RAB11B: variants seen among roughly 807,000 people sequenced by gnomAD.
RAB11B encodes ras-related protein Rab-11B.
Under a neutral mutation model 23.7 loss-of-function variants are expected in RAB11B, and 7 were observed. The ratio of observed to expected loss-of-function variants is 0.29; its 90% CI spans 0.17 to 0.55. RAB11B has a LOEUF of 0.55. Ranked by LOEUF, RAB11B falls within the 20% of genes least tolerant of loss-of-function variation. RAB11B has a pLI of 0.93. For synonymous variants in RAB11B, 138 were observed against 132.0 expected (o/e 1.05, Z -0.31); for missense variants, 189 against 320.0 (o/e 0.59, Z 3.12).
chr19:8,394,437 G>A (rs1490336570), intron 1 of RAB11B, among the ~76,000 whole-genome samples: 1 of 152,192 alleles, frequency 6.6e-6, no homozygotes. Flanking sequence ...TTACAGGCGT[G>A]AGCCACTGCA....
intron 1 of RAB11B, among the ~76,000 whole-genome samples, chr19:8,399,195 C>T (rs1035236204): frequency 6.6e-6 from 1 of 151,970 alleles, no homozygotes; most frequent in African/African-American, 2.4e-5. Context: ...CCTCGTGATC[C>T]ACCCGCCTCG....
At chr19:8,394,920 C>G (rs1971384762) in intron 1 of RAB11B, among the ~76,000 whole-genome samples, 3 of 152,162 alleles carry the variant, frequency 2.0e-5, no homozygotes, top group Admixed American at 2.0e-4. Flanking sequence ...AGGGAGATTC[C>G]ATCTCAATAC....
intron 1 of RAB11B, among the ~76,000 whole-genome samples, chr19:8,393,743 T>A (rs1043538294): frequency 2.0e-5 from 3 of 152,084 alleles, no homozygotes; most frequent in Non-Finnish European, 4.4e-5. Flanking sequence ...ATGGGGGCAC[T>A]GCTTGGCTCC....
rs951143696 is a variant in RAB11B, at chr19:8,399,976, A to G, written c.154A>G (p.Ser52Gly). 2.5e-6 allele frequency: 4 copies of G among 1,614,080 alleles called. No individual in the cohort carries two copies. Among genetic ancestry groups the G allele is most frequent in the Non-Finnish European group, 1.7e-6 (2 of 1,180,018 alleles). Residue 52 changes from serine to glycine, a missense_variant, in exon 2 of 5, where the codon AGC (serine) becomes GGC (glycine). This residue lies in a region of RAB11B where 28 missense variants were observed against 43.1 expected (regional missense o/e 0.65). Transcript: ENST00000328024. ...STIGVEFATR[S>G]IQVDGKTIKA... is the part of the protein sequence containing the mutation. ...CATCGGCGTGGAGTTCGCCACCCGC[A>G]GCATCCAGGTGGACGGCAAGACCAT...
chr19:8,394,714 T>G (rs1971383150), intron 1 of RAB11B, among the ~76,000 whole-genome samples: 1 of 152,128 alleles, frequency 6.6e-6, no homozygotes, highest in East Asian at 2.0e-4. Context: ...GTGAATCACT[T>G]GAAGTCAGGA....
intron 1 of RAB11B, among the ~76,000 whole-genome samples, chr19:8,397,578 G>A (rs1392126600): frequency 6.6e-6 from 1 of 152,108 alleles, no homozygotes; most frequent in African/African-American, 2.4e-5. Context: ...GGGACAGGAG[G>A]TGGAGTGAGT....
At chr19:8,402,043 A>T (rs1212019900) in intron 2 of RAB11B, 43 bp from the exon 3 acceptor site, 1 of 1,522,174 alleles carries the variant, frequency 6.6e-7, no homozygotes, top group Non-Finnish European at 8.9e-7. Context: ...GCCGCTGCCC[A>T]TGGTTGTCCT....
At chr19:8,390,752 C>A (rs1971343096) in intron 1 of RAB11B, 1 of 327,752 alleles carries the variant, frequency 3.1e-6, no homozygotes. Flanking sequence ...AGGGCGGGGC[C>A]TCCGCAGGGG....
In RAB11B at chr19:8,402,351, T is replaced by C. The variant is rs2913968; in HGVS notation, c.430+72T>C. The C allele has an allele frequency of 0.3, 449,554 of 1,523,234 alleles. 69,239 individuals carry two copies. The highest frequency in any genetic ancestry group is 0.58 in the East Asian group (23,822 of 41,190). The allele number at this position is 1,523,234 out of a possible 1,614,324, so 94.4% of individuals were successfully genotyped here. Reference sequence around the variant, plus strand: ...GAGGCCCCTCACAGTGTTGGGGCCCTGGCCACAGCCCTGGCTTCCCTTCCC... The same window carrying C: ...GAGGCCCCTCACAGTGTTGGGGCCCCGGCCACAGCCCTGGCTTCCCTTCCC... On this transcript the variant is annotated intron_variant, in intron 3 of 4. Coordinates refer to ENST00000328024, the MANE Select transcript of RAB11B (RefSeq NM_004218.4).
Position 8,403,759 on chromosome 19 carries a change from G to A in RAB11B, c.*201G>A. ...GGGGAAAAGCTAGAAGCCCCGGTTT[G>A]CTGCACCCATGAAACTCGGGTCCCC... On this transcript the variant is annotated 3_prime_UTR_variant, in exon 5 of 5. Transcript: ENST00000328024. The A allele has an allele frequency of 1.4e-6, 1 of 722,070 alleles. No individual in the cohort carries two copies. Among genetic ancestry groups the A allele is most frequent in the Non-Finnish European group, 2.1e-6 (1 of 477,012 alleles). The allele number at this position is 722,070 out of a possible 1,614,324, so 44.7% of individuals were successfully genotyped here.
At position 8,403,768 on chromosome 19, in the gene RAB11B, A is replaced by T. The variant is rs1378810216; in HGVS notation, c.*210A>T. 2 of 662,228 alleles carry T rather than the reference A, an allele frequency of 3.0e-6. No homozygotes were observed. Among genetic ancestry groups the T allele is most frequent in the Admixed American group, 7.2e-5 (2 of 27,958 alleles). The allele number at this position is 662,228 out of a possible 1,614,324, so 41.0% of individuals were successfully genotyped here. A position where few individuals can be genotyped will look rare whatever the true frequency, so the allele number is the denominator to read the frequency against. ...CTAGAAGCCCCGGTTTGCTGCACCC[A>T]TGAAACTCGGGTCCCCACAGCGTCT... On this transcript the variant is annotated 3_prime_UTR_variant, in exon 5 of 5. Coordinates refer to ENST00000328024, the MANE Select transcript of RAB11B (RefSeq NM_004218.4).
intron 1 of RAB11B, 35 bp downstream of exon 1, chr19:8,390,491 G>A (rs1464200154): frequency 2.4e-5 from 35 of 1,475,792 alleles, no homozygotes; most frequent in Non-Finnish European, 3.1e-5. Context: ...GCGAAGTCGT[G>A]GCGGCGAGGC....
intron 1 of RAB11B, among the ~76,000 whole-genome samples, chr19:8,391,667 C>G (rs1032332795): frequency 6.6e-6 from 1 of 152,148 alleles, no homozygotes; most frequent in Admixed American, 6.5e-5. Flanking sequence ...GCGGCCTGCT[C>G]TATGAGGGCC....
chr19:8,402,695 G>C, intron 4 of RAB11B, 130 bp downstream of exon 4: 1 of 675,172 alleles, frequency 1.5e-6, no homozygotes, highest in African/African-American at 1.9e-5. Flanking sequence ...ATGGATTTTT[G>C]CTCTTTGCCC....
intron 4 of RAB11B, 46 bp from the exon 5 acceptor site, chr19:8,403,367 G>A (rs776663634): frequency 3.2e-6 from 5 of 1,578,744 alleles, no homozygotes; most frequent in Non-Finnish European, 4.3e-6. Flanking sequence ...TCGGCAGGCA[G>A]GGCACGTGCT....
At chr19:8,399,188 C>T (rs997143983) in intron 1 of RAB11B, among the ~76,000 whole-genome samples, 1 of 152,046 alleles carries the variant, frequency 6.6e-6, no homozygotes, top group Non-Finnish European at 1.5e-5. Flanking sequence ...CTCCTGACCT[C>T]GTGATCCACC....
intron 1 of RAB11B, among the ~76,000 whole-genome samples, chr19:8,398,432 G>A (rs141903508): frequency 0.014 from 2,131 of 152,338 alleles, 33 homozygotes; most frequent in Middle Eastern, 0.041. Context: ...CTTGTGAGGA[G>A]CTGTGCACAC....
chr19:8,402,999 C>A, intron 4 of RAB11B: 2 of 334,474 alleles, frequency 6.0e-6, no homozygotes, highest in South Asian at 4.3e-5. Context: ...CTAACCTTTG[C>A]TTTTTAAACC....
At position 8,390,376 on chromosome 19, in the gene RAB11B, G is replaced by C. The variant is rs1382354966; in HGVS notation, c.-41G>C. The stretch of plus-strand genomic sequence containing the variant: ...TCCGCCCCCGTCGGGTGTTTGTGGT[G>C]GGGCTGCGGAGTCGCCGATCCCGCC... On this transcript the variant is annotated 5_prime_UTR_variant, in exon 1 of 5. Transcript: ENST00000328024. 2 of 1,516,394 alleles carry C rather than the reference G, an allele frequency of 1.3e-6. No individual in the cohort carries two copies. The highest frequency in any genetic ancestry group is 1.8e-6 in the Non-Finnish European group (2 of 1,135,396). The allele number at this position is 1,516,394 out of a possible 1,614,324, so 93.9% of individuals were successfully genotyped here. A position where few individuals can be genotyped will look rare whatever the true frequency, so the allele number is the denominator to read the frequency against.
Sources: gnomAD v4.1 joint callset for allele counts (sites outside exome capture counted in the v4.1 genomes callset) on GRCh38, gnomAD v4.1.1 for gene constraint, gnomAD v4.1.1 regional missense constraint, MANE v1.5 for transcripts, NCBI Gene and HGNC (gene_info 2026-07-23, HGNC 2026-07-21) for gene names.